SNX14: variants seen among roughly 807,000 people sequenced by gnomAD.
SNX14 encodes sorting nexin-14.
Under a neutral mutation model 133.8 loss-of-function variants are expected in SNX14, and 93 were observed. That is an observed-to-expected ratio of 0.70 (90% CI 0.59 to 0.83). The LOEUF (loss-of-function observed/expected upper bound fraction) is 0.83, where lower values mean the gene tolerates loss of function less well. Among genes scored for constraint, SNX14 ranks in the 40% least tolerant of loss-of-function variants. SNX14 has a pLI of 0.00. For synonymous variants in SNX14, 368 were observed against 365.6 expected, an observed-to-expected ratio of 1.01 and a Z score of -0.07; for missense variants, 945 against 1,094.9, an observed-to-expected ratio of 0.86 and a Z score of 1.93.
intron 23 of SNX14, 160 bp downstream of exon 23, chr6:85,517,596 A>G (rs1775466636): frequency 1.4e-6 from 1 of 715,366 alleles, no homozygotes; most frequent in African/African-American, 1.8e-5. Flanking sequence ...AAGTAATTAC[A>G]CACAATACCC....
In SNX14 at chr6:85,536,890, T is replaced by C; in HGVS notation, c.1510A>G (p.Ser504Gly). 6.2e-7 allele frequency: 1 copy of C among 1,613,272 alleles called. No individual in the cohort carries two copies. The highest frequency in any genetic ancestry group is 8.5e-7 in the Non-Finnish European group (1 of 1,179,620). Residue 504 changes from serine (S) to glycine (G), a missense_variant, in exon 17 of 29, where the codon AGC becomes GGC. Ser to Gly is a moderately conservative substitution (Grantham distance 56). Coordinates refer to ENST00000314673, the MANE Select transcript of SNX14 (RefSeq NM_153816.6). The part of the protein sequence containing the change: ...TQKRGESFGI[S>G]RIGSKIKGVF... ...CCTTTAATTTTGCTACCTATTCTGCTGATTCCAAATGATTCTCCCCTTTTC... is the reference window on the plus strand; with the variant it reads ...CCTTTAATTTTGCTACCTATTCTGCCGATTCCAAATGATTCTCCCCTTTTC...
chr6:85,543,818 A>C (rs1051208469), intron 12 of SNX14, 58 bp from the exon 13 acceptor site: 2 of 1,117,216 alleles, frequency 1.8e-6, no homozygotes, highest in Non-Finnish European at 2.4e-6. Flanking sequence ...TATTCATAAA[A>C]GCTTCAGTCC....
chr6:85,526,917 A>C (rs1361093233), intron 20 of SNX14, among the ~76,000 whole-genome samples: 1 of 152,090 alleles, frequency 6.6e-6, no homozygotes, highest in African/African-American at 2.4e-5. Context: ...AAAAATACAA[A>C]AATTAGCCAG....
At chr6:85,539,803 T>C (rs1783066067) in intron 15 of SNX14, among the ~76,000 whole-genome samples, 1 of 151,958 alleles carries the variant, frequency 6.6e-6, no homozygotes, top group South Asian at 2.1e-4. Context: ...ATAACCTGTC[T>C]TTTTTATATT....
Position 85,518,029 on chromosome 6 carries a change from A to C in SNX14, c.2127T>G (p.Val709=). 1 of 1,605,594 alleles carries C rather than the reference A, an allele frequency of 6.2e-7. No homozygotes were observed. Among genetic ancestry groups the C allele is most frequent in the South Asian group, 1.1e-5 (1 of 89,334 alleles). ...TCACCTCTTTCATTAGTTTTCCAGG[A>C]ACAGATTTTATAATTTTCCCTGCAA... ...DVNLGKIIKS[V]PGKLMKEKGQ... The change falls in exon 22 of 29, where the codon GTT becomes GTG. Residue 709 remains valine, a synonymous_variant. Coordinates refer to ENST00000314673, the MANE Select transcript of SNX14 (RefSeq NM_153816.6).
At chr6:85,562,582 C>CTTTTTTTTTTTTTT (rs201175458) in intron 6 of SNX14, among the ~76,000 whole-genome samples, 10 of 94,850 alleles carry the variant, frequency 1.1e-4, no homozygotes, top group African/African-American at 1.7e-4. Flanking sequence ...ACTTTTTGGG[C>CTTTTTTTTTTTTTT]TTTTTTTTTT....
chr6:85,532,473 A>T (rs1219350651), intron 18 of SNX14, among the ~76,000 whole-genome samples: 2 of 152,226 alleles, frequency 1.3e-5, no homozygotes, highest in Non-Finnish European at 2.9e-5. Context: ...GAAAATCAGA[A>T]AACCTAATAC....
At chr6:85,586,863 C>T (rs1373639935) in intron 1 of SNX14, among the ~76,000 whole-genome samples, 1 of 151,938 alleles carries the variant, frequency 6.6e-6, no homozygotes, top group Admixed American at 6.6e-5. Context: ...ATGGCAAAAC[C>T]CCATGTTGGG....
chr6:85,510,743 T>C (rs1012147575), intron 26 of SNX14, among the ~76,000 whole-genome samples: 2 of 152,226 alleles, frequency 1.3e-5, no homozygotes, highest in African/African-American at 4.8e-5. Flanking sequence ...TTTTACAGTT[T>C]TGCTGTAAAC....
chr6:85,565,032 A>G (rs1037772724), intron 6 of SNX14, among the ~76,000 whole-genome samples: 2 of 152,142 alleles, frequency 1.3e-5, no homozygotes, highest in African/African-American at 2.4e-5. Context: ...TAAAAGATAC[A>G]CTTAGAAAGA....
intron 7 of SNX14, among the ~76,000 whole-genome samples, chr6:85,552,111 A>G (rs1007447363): frequency 2.2e-5 from 3 of 134,084 alleles, no homozygotes; most frequent in Middle Eastern, 4.4e-3. Context: ...ATCTCGGCTC[A>G]CTGCAAGCTC....
intron 23 of SNX14, among the ~76,000 whole-genome samples, chr6:85,515,683 C>T (rs1774728053): frequency 6.6e-6 from 1 of 152,094 alleles, no homozygotes; most frequent in Non-Finnish European, 1.5e-5. Flanking sequence ...ATACTTAAAA[C>T]ATTTTTCCCC....
At position 85,547,306 on chromosome 6, in the gene SNX14, A is replaced by C; in HGVS notation, c.993+11T>G. The C allele has an allele frequency of 6.2e-7, 1 of 1,612,882 alleles. No individual in the cohort carries two copies. The highest frequency in any genetic ancestry group is 8.5e-7 in the Non-Finnish European group (1 of 1,179,744). Reference sequence around the variant, plus strand: ...TTATATCAAAAAGGTGTTATTGCTGAAAATTCTTACAGATGGCTTTTTATT... The same window carrying C: ...TTATATCAAAAAGGTGTTATTGCTGCAAATTCTTACAGATGGCTTTTTATT... On this transcript the variant is annotated intron_variant, in intron 11 of 28. Coordinates refer to ENST00000314673, the MANE Select transcript of SNX14 (RefSeq NM_153816.6).
intron 23 of SNX14, among the ~76,000 whole-genome samples, chr6:85,517,101 C>T (rs1294776491): frequency 6.6e-6 from 1 of 152,012 alleles, no homozygotes; most frequent in Non-Finnish European, 1.5e-5. Flanking sequence ...AAAAGAATTA[C>T]CAGATATTAC....
Position 85,549,933 on chromosome 6 carries a change from C to T in SNX14, c.635-54G>A, listed in dbSNP as rs371111578. On this transcript the variant is annotated intron_variant, in intron 7 of 28. Coordinates refer to ENST00000314673, the MANE Select transcript of SNX14 (RefSeq NM_153816.6). ...CAAGTTAAGTGACATTAAATAATTTCGGTCATTTCCACTAACAAATAGAAG... is the reference window on the plus strand; with the variant it reads ...CAAGTTAAGTGACATTAAATAATTTTGGTCATTTCCACTAACAAATAGAAG... 55 of 1,482,384 alleles carry T rather than the reference C, an allele frequency of 3.7e-5. No homozygotes were observed. In the African/African-American group the frequency reaches 5.9e-4, roughly 16 times the overall value. 91.8% of individuals were successfully genotyped at this position (1,482,384 alleles called of 1,614,324 possible). A position where few individuals can be genotyped will look rare whatever the true frequency, so the allele number is the denominator to read the frequency against.
At chr6:85,519,307 C>G (rs568213862) in intron 21 of SNX14, among the ~76,000 whole-genome samples, 1 of 152,292 alleles carries the variant, frequency 6.6e-6, no homozygotes, top group South Asian at 2.1e-4. Flanking sequence ...TGATTTAGTT[C>G]CATATACATT....
chr6:85,549,890 TA>T lies in SNX14; in HGVS notation c.635-12del, dbSNP rs1787127748. 1 of 1,582,568 alleles carries T rather than the reference TA, an allele frequency of 6.3e-7. No homozygotes were observed. Among genetic ancestry groups the T allele is most frequent in the Admixed American group, 1.8e-5 (1 of 54,272 alleles). On this transcript the variant is annotated splice_polypyrimidine_tract_variant and intron_variant, in intron 7 of 28. Transcript: ENST00000314673. ...ACTCTGTATTTTTTACTATAGAGAT[TA>T]AAGATAAATATTGAAACAAGTTAAG...
chr6:85,506,420 G>A (rs932085349), intron 28 of SNX14, among the ~76,000 whole-genome samples: 25 of 151,776 alleles, frequency 1.6e-4, no homozygotes, highest in Non-Finnish European at 3.1e-4. Context: ...AGGTTTAAGC[G>A]ATTCTCCTGT....
At chr6:85,555,928 C>T (rs1445590490) in intron 7 of SNX14, among the ~76,000 whole-genome samples, 1 of 151,656 alleles carries the variant, frequency 6.6e-6, no homozygotes, top group African/African-American at 2.4e-5. Flanking sequence ...GTGGAGGTTG[C>T]AGTGAGCTGA....
Sources: gnomAD v4.1 joint callset for allele counts (sites outside exome capture counted in the v4.1 genomes callset) on GRCh38, gnomAD v4.1.1 for gene constraint, MANE v1.5 for transcripts, NCBI Gene and HGNC (gene_info 2026-07-23, HGNC 2026-07-21) for gene names.